Variants in NRXN1 observed in about 807,000 individuals in gnomAD.
NRXN1 encodes the protein neurexin-1.
In NRXN1, 39 loss-of-function variants were observed where a neutral mutation model predicts 150.9. The observed-to-expected ratio is 0.26, with a 90% CI of 0.20 to 0.34. NRXN1 has a LOEUF of 0.34. NRXN1 is among the 10% of genes least tolerant of loss of function. The pLI is 1.00. For missense variants in NRXN1, 1,815 were observed against 1,949.9 expected, an observed-to-expected ratio of 0.93 and a Z score of 1.30; for synonymous variants, 924 against 757.0, an observed-to-expected ratio of 1.22 and a Z score of -3.62.
chr2:50,672,224 C>T (rs905170774), intron 5 of NRXN1, among the ~76,000 whole-genome samples: 11 of 151,448 alleles, frequency 7.3e-5, no homozygotes, highest in Non-Finnish European at 4.4e-5. Flanking sequence ...TTACTGGCTT[C>T]TTCATTATGT....
At chr2:50,556,080 C>T (rs777841615) in intron 8 of NRXN1, among the ~76,000 whole-genome samples, 12 of 152,112 alleles carry the variant, frequency 7.9e-5, no homozygotes, top group Non-Finnish European at 1.6e-4. Context: ...ATTTTGTACT[C>T]TTTGAAAGGC....
chr2:50,614,157 G>A (rs549059262), intron 8 of NRXN1, among the ~76,000 whole-genome samples: 27 of 152,160 alleles, frequency 1.8e-4, no homozygotes, highest in Admixed American at 8.5e-4. Flanking sequence ...AATAATAAGA[G>A]AAGAGAGGCA....
chr2:50,163,133 T>C (rs1052200305), intron 18 of NRXN1, among the ~76,000 whole-genome samples: 2 of 142,006 alleles, frequency 1.4e-5, no homozygotes, highest in Non-Finnish European at 3.0e-5. Flanking sequence ...TTCAACTATA[T>C]ATAACAGTTA....
chr2:50,953,272 C>G (rs1054697981), intron 2 of NRXN1, among the ~76,000 whole-genome samples: 1 of 152,148 alleles, frequency 6.6e-6, no homozygotes, highest in African/African-American at 2.4e-5. Flanking sequence ...ACTTTCCTAA[C>G]AGAGAACAAT....
intron 12 of NRXN1, among the ~76,000 whole-genome samples, chr2:50,515,799 T>C (rs1357415117): frequency 6.6e-6 from 1 of 152,110 alleles, no homozygotes; most frequent in African/African-American, 2.4e-5. Context: ...CTTGTCATTG[T>C]GACAATGATG....
chr2:50,384,289 G>A (rs976738156), intron 17 of NRXN1, among the ~76,000 whole-genome samples: 10 of 151,806 alleles, frequency 6.6e-5, no homozygotes, highest in African/African-American at 1.7e-4. Flanking sequence ...GGCGGATCAC[G>A]AGGTCAGGAG....
intron 2 of NRXN1, among the ~76,000 whole-genome samples, chr2:51,005,216 C>G (rs1433064470): frequency 1.3e-5 from 2 of 151,788 alleles, no homozygotes; most frequent in Non-Finnish European, 2.9e-5. Context: ...ATTAGTTTAC[C>G]TTTACCCTGA....
chr2:50,782,711 G>A (rs1305671513), intron 5 of NRXN1, among the ~76,000 whole-genome samples: 2 of 152,278 alleles, frequency 1.3e-5, no homozygotes, highest in East Asian at 3.9e-4. Context: ...GGGCAGCAGA[G>A]GGCTGCATGG....
At chr2:50,908,519 A>G (rs1447381446) in intron 5 of NRXN1, among the ~76,000 whole-genome samples, 1 of 152,058 alleles carries the variant, frequency 6.6e-6, no homozygotes, top group Non-Finnish European at 1.5e-5. Context: ...TGGCTTTAAG[A>G]GGTATCCTGA....
At chr2:50,586,122 T>C (rs1251860926) in intron 8 of NRXN1, among the ~76,000 whole-genome samples, 1 of 152,184 alleles carries the variant, frequency 6.6e-6, no homozygotes, top group Non-Finnish European at 1.5e-5. Flanking sequence ...TACATTAGCC[T>C]TTTTCAGTAT....
intron 5 of NRXN1, among the ~76,000 whole-genome samples, chr2:50,701,641 G>C (rs1012871298): frequency 6.6e-6 from 1 of 152,092 alleles, no homozygotes; most frequent in Non-Finnish European, 1.5e-5. Context: ...GGGACTGAAA[G>C]GATCTTAGAA....
intron 2 of NRXN1, among the ~76,000 whole-genome samples, chr2:50,934,745 A>G (rs1355290301): frequency 6.6e-6 from 1 of 152,224 alleles, no homozygotes; most frequent in Non-Finnish European, 1.5e-5. Context: ...AAAAGCAAAC[A>G]TCTATTTAGA....
intron 5 of NRXN1, among the ~76,000 whole-genome samples, chr2:50,639,796 T>C (rs1299427300): frequency 2.0e-5 from 3 of 152,222 alleles, no homozygotes; most frequent in East Asian, 3.9e-4. Context: ...CTCACCATAT[T>C]TGCACTAATT....
intron 8 of NRXN1, among the ~76,000 whole-genome samples, chr2:50,582,356 C>T (rs990284796): frequency 3.3e-5 from 5 of 151,536 alleles, no homozygotes; most frequent in Non-Finnish European, 7.4e-5. Flanking sequence ...ATCCTCTCAC[C>T]TGTGGTCCCA....
At chr2:50,273,282 A>C (rs749137219) in intron 17 of NRXN1, among the ~76,000 whole-genome samples, 6 of 152,320 alleles carry the variant, frequency 3.9e-5, no homozygotes, top group South Asian at 2.1e-4. Flanking sequence ...GGACTTTATC[A>C]TACAAATGAA....
At chr2:50,760,877 C>T (rs1701725893) in intron 5 of NRXN1, among the ~76,000 whole-genome samples, 1 of 151,862 alleles carries the variant, frequency 6.6e-6, no homozygotes, top group Non-Finnish European at 1.5e-5. Flanking sequence ...GCCAGCACCA[C>T]AATCTATTCA....
intron 5 of NRXN1, among the ~76,000 whole-genome samples, chr2:50,681,269 C>T (rs1690360683): frequency 6.6e-6 from 1 of 152,160 alleles, no homozygotes; most frequent in Non-Finnish European, 1.5e-5. Context: ...TCAGTCTTTC[C>T]AATGTTTAAG....
intron 8 of NRXN1, among the ~76,000 whole-genome samples, chr2:50,558,974 T>C (rs7579006): frequency 0.42 from 63,707 of 151,884 alleles, 15,466 homozygotes; most frequent in African/African-American, 0.67. Flanking sequence ...CCCAGCTACT[T>C]GGGAGGCTGA....
intron 9 of NRXN1, among the ~76,000 whole-genome samples, chr2:50,540,911 C>A (rs1351676185): frequency 6.6e-6 from 1 of 152,200 alleles, no homozygotes; most frequent in Admixed American, 6.5e-5. Context: ...ATCCACCCAC[C>A]TTGGCCTCCC....
Sources: allele counts gnomAD v4.1 joint callset (sites outside exome capture counted in the v4.1 genomes callset), GRCh38; gene constraint gnomAD v4.1.1; transcripts MANE v1.5; gene names NCBI Gene and HGNC (gene_info 2026-07-23, HGNC 2026-07-21).